SIAE: variants seen among roughly 807,000 people sequenced by gnomAD.
The protein encoded by SIAE is sialate O-acetylesterase.
A neutral mutation model predicts 52.6 loss-of-function variants in SIAE; 39 were observed. The ratio of observed to expected loss-of-function variants is 0.74; its 90% CI spans 0.57 to 0.97. The LOEUF (loss-of-function observed/expected upper bound fraction) is 0.97, where lower values mean the gene tolerates loss of function less well. Among genes scored for constraint, SIAE ranks in the 50% least tolerant of loss-of-function variants. The pLI, the probability that SIAE is intolerant of heterozygous loss-of-function variation, is 0.00. For synonymous variants in SIAE, 233 were observed against 241.4 expected (o/e 0.97, Z 0.32); for missense variants, 592 against 662.1 (o/e 0.89, Z 1.16).
intron 5 of SIAE, 114 bp downstream of exon 5, chr11:124,649,505 T>G (rs1422594933): frequency 1.8e-6 from 2 of 1,126,848 alleles, no homozygotes; most frequent in Non-Finnish European, 2.7e-6. Flanking sequence ...TTACATACAT[T>G]CAACACATAT....
chr11:124,673,657 C>T lies in SIAE; in HGVS notation c.52G>A (p.Ala18Thr). ...GCCGCCTCACCTGCACTTCTGTCGG[C>T]CCACAGGATTAATGGCAGCACCAGC... Reference protein sequence around the residue: ...LGLVLPLILWADRSAGIGFRF... With the variant: ...LGLVLPLILWTDRSAGIGFRF... The change falls in exon 1 of 10, where the codon GCC becomes ACC. Residue 18 changes from alanine (A) to threonine (T), a missense_variant. Physicochemically the swap from Ala to Thr is moderately conservative, Grantham distance 58. Transcript: ENST00000263593. 6.2e-7 allele frequency: 1 copy of T among 1,613,716 alleles called. No individual in the cohort carries two copies. The highest frequency in any genetic ancestry group is 8.5e-7 in the Non-Finnish European group (1 of 1,179,838).
rs199814380 is a variant in SIAE, at chr11:124,664,237, CTT to C, written c.230-3436_230-3435del. Among the ~76,000 whole-genome samples the C allele has an allele frequency of 9.4e-3, 1,309 of 138,856 alleles. 24 individuals are homozygous for C. Among genetic ancestry groups the C allele is most frequent in the East Asian group, 0.09 (448 of 4,982 alleles). The allele number at this position is 138,856 out of a possible 152,430, so 91.1% of individuals were successfully genotyped here. On this transcript the variant is annotated intron_variant, in intron 2 of 9. Transcript: ENST00000263593. The stretch of plus-strand genomic sequence containing the variant: ...GGTTAGCATTTCTGGTAGCCTATTT[CTT>C]TTTTTTTTTTTGAGACAGAGTCTCA...
chr11:124,651,104 G>A (rs1284557662), intron 4 of SIAE, among the ~76,000 whole-genome samples: 1 of 152,200 alleles, frequency 6.6e-6, no homozygotes, highest in African/African-American at 2.4e-5. Flanking sequence ...AGTAGACAGT[G>A]CAATAGTGAG....
chr11:124,643,732 C>A (rs1405244562), intron 7 of SIAE, among the ~76,000 whole-genome samples: 1 of 152,174 alleles, frequency 6.6e-6, no homozygotes, highest in African/African-American at 2.4e-5. Flanking sequence ...ATTTAGATAG[C>A]ATCTTATTCT....
At chr11:124,674,074 G>T, upstream of SIAE, 1 of 263,020 alleles carries the variant, frequency 3.8e-6, no homozygotes, top group South Asian at 5.3e-5. Flanking sequence ...AGCCGAGGCA[G>T]CCCATTCTGC....
chr11:124,636,982 C>G lies in SIAE; in HGVS notation c.1541G>C (p.Gly514Ala), dbSNP rs141195262. The G allele has an allele frequency of 6.2e-7, 1 of 1,614,040 alleles. No homozygotes were observed. Among genetic ancestry groups the G allele is most frequent in the Non-Finnish European group, 8.5e-7 (1 of 1,180,046 alleles). ...AGCAACATTGCTCTGATGTCCAGGA[C>G]CCTGGTCTGTAATGAAAGCAATGAA... The part of the protein sequence containing the change: ...PPFIAFITDQ[G>A]PGHQSNVAK The change falls in exon 10 of 10, where the codon GGT becomes GCT. Residue 514 changes from glycine to alanine, a missense_variant. Transcript: ENST00000263593.
chr11:124,654,757 C>A lies in SIAE; in HGVS notation c.442G>T (p.Ala148Ser). 4 of 1,614,046 alleles carry A rather than the reference C, an allele frequency of 2.5e-6. No homozygotes were observed. The highest frequency in any genetic ancestry group is 2.7e-5 in the African/African-American group (2 of 75,022). Reference sequence around the variant, plus strand: ...GAGAGGATGCGGACAGACTGATATGCCGCAGTGTTAGACAACTCCCTTGTA... The same window carrying A: ...GAGAGGATGCGGACAGACTGATATGACGCAGTGTTAGACAACTCCCTTGTA... ...NATRELSNTA[A>S]YQSVRILSVS... Residue 148 changes from alanine to serine, a missense_variant, in exon 4 of 10, where the codon GCA becomes TCA. Physicochemically the swap from Ala to Ser is moderately conservative, Grantham distance 99 (BLOSUM62 1). Coordinates refer to ENST00000263593, the MANE Select transcript of SIAE (RefSeq NM_170601.5).
At chr11:124,663,451 G>A (rs529463829) in intron 2 of SIAE, among the ~76,000 whole-genome samples, 5 of 152,016 alleles carry the variant, frequency 3.3e-5, no homozygotes, top group African/African-American at 7.2e-5. Context: ...GGCGGCACCC[G>A]TAGTCCCAGC....
chr11:124,673,523 G>A (rs1469444922), intron 1 of SIAE, 119 bp downstream of exon 1: 30 of 1,232,576 alleles, frequency 2.4e-5, no homozygotes, highest in Non-Finnish European at 3.2e-5. Context: ...CCCTAGCCTA[G>A]CTAGGTTCCT....
intron 2 of SIAE, among the ~76,000 whole-genome samples, chr11:124,664,669 A>G (rs1281801870): frequency 2.0e-5 from 3 of 152,204 alleles, no homozygotes; most frequent in Admixed American, 2.0e-4. Context: ...CAAACAATCA[A>G]TGGAAAAAAT....
chr11:124,669,702 A>G (rs552937636), intron 1 of SIAE, 181 bp from the exon 2 acceptor site: 9 of 646,804 alleles, frequency 1.4e-5, no homozygotes, highest in Non-Finnish European at 2.2e-5. Flanking sequence ...TAACAAGAAC[A>G]GTTTCCAACA....
Position 124,645,889 on chromosome 11 carries a change from T to C in SIAE, c.966+1476A>G, listed in dbSNP as rs1942925091. The stretch of plus-strand genomic sequence containing the variant: ...CATAAAGGCATTTTAAGTGAGAAGG[T>C]CTATACAAATATTCAAAAGAAGGTA... On this transcript the variant is annotated intron_variant, in intron 7 of 9. Transcript: ENST00000263593. This position sits in a 1 kb window ranked among gnomAD's most constrained non-coding sequence, Gnocchi z 4.7. Among the ~76,000 whole-genome samples, 1 of 152,018 alleles carries C rather than the reference T, an allele frequency of 6.6e-6. No homozygotes were observed. The highest frequency in any genetic ancestry group is 2.1e-4 in the South Asian group (1 of 4,814).
At chr11:124,674,124 A>G (rs1943423715), upstream of SIAE, 1 of 212,276 alleles carries the variant, frequency 4.7e-6, no homozygotes, top group Admixed American at 5.4e-5. Context: ...CCCGCCCCCG[A>G]CTAGACCCGT....
Position 124,669,539 on chromosome 11 carries a change from C to T in SIAE, c.68-18G>A. On this transcript the variant is annotated intron_variant, in intron 1 of 9. Transcript: ENST00000263593. Reference sequence around the variant, plus strand: ...ACCAATACCTAAAAAATTTAACAAACACTGAGGGAAGCATCATCGGAGAGA... The same window carrying T: ...ACCAATACCTAAAAAATTTAACAAATACTGAGGGAAGCATCATCGGAGAGA... The T allele has an allele frequency of 6.2e-7, 1 of 1,610,294 alleles. No homozygotes were observed. Among genetic ancestry groups the T allele is most frequent in the Non-Finnish European group, 8.5e-7 (1 of 1,178,856 alleles).
intron 7 of SIAE, among the ~76,000 whole-genome samples, chr11:124,643,497 T>C (rs1343195689): frequency 6.6e-6 from 1 of 152,156 alleles, no homozygotes; most frequent in African/African-American, 2.4e-5. Context: ...GAGATGATGG[T>C]GGCTTAGACT....
chr11:124,636,417 T>C lies in SIAE; in HGVS notation c.*534A>G, dbSNP rs952518351. The C allele has an allele frequency of 1.2e-5, 2 of 162,886 alleles. No individual in the cohort carries two copies. The highest frequency in any genetic ancestry group is 2.4e-5 in the African/African-American group (1 of 41,632). The allele number at this position is 162,886 out of a possible 1,614,324, so 10.1% of individuals were successfully genotyped here. ...TGGAAAGTTTTGAATGGAAAGTTCA[T>C]AGAGAGATTCAGTAACCACCTGTCA... On this transcript the variant is annotated 3_prime_UTR_variant, in exon 10 of 10. Transcript: ENST00000263593.
intron 2 of SIAE, among the ~76,000 whole-genome samples, chr11:124,662,817 T>C (rs770212319): frequency 3.3e-5 from 5 of 152,194 alleles, no homozygotes; most frequent in Non-Finnish European, 7.3e-5. Context: ...GATGTTAGTT[T>C]CTAGCTTTTT....
In SIAE at chr11:124,635,543, A is replaced by C. The variant is rs1199057617; in HGVS notation, c.*1408T>G. The stretch of plus-strand genomic sequence containing the variant: ...TTCCTAAATTGGGGGAAACATAGTG[A>C]ATTCCACATAATGTTTTAAATTATT... On this transcript the variant is annotated 3_prime_UTR_variant, in exon 10 of 10. Transcript: ENST00000263593. The C allele has an allele frequency of 6.6e-6, 1 of 152,222 alleles. No homozygotes were observed. The highest frequency in any genetic ancestry group is 1.5e-5 in the Non-Finnish European group (1 of 68,032). 9.4% of individuals were successfully genotyped at this position (152,222 alleles called of 1,614,324 possible).
At chr11:124,664,378 C>T (rs575376133) in intron 2 of SIAE, among the ~76,000 whole-genome samples, 27 of 152,026 alleles carry the variant, frequency 1.8e-4, no homozygotes, top group Middle Eastern at 3.2e-3. Flanking sequence ...ACTACAGGTG[C>T]GCACCACCAC....
Sources: gnomAD v4.1 joint callset for allele counts (sites outside exome capture counted in the v4.1 genomes callset) on GRCh38, gnomAD v4.1.1 for gene constraint, Gnocchi (gnomAD v3.1) non-coding constraint, MANE v1.5 for transcripts, NCBI Gene and HGNC (gene_info 2026-07-23, HGNC 2026-07-21) for gene names.